Variants in UCK2 observed in about 807,000 individuals in gnomAD.
The protein encoded by UCK2 is uridine-cytidine kinase 2.
In UCK2, 6 loss-of-function variants were observed where a neutral mutation model predicts 30.8. The ratio of observed to expected loss-of-function variants is 0.19; its 90% CI spans 0.11 to 0.38. UCK2 has a LOEUF of 0.38. Among genes scored for constraint, UCK2 ranks in the 10% least tolerant of loss-of-function variants. The pLI is 1.00. For missense variants in UCK2, 210 were observed against 339.8 expected (o/e 0.62, Z 3.00); for synonymous variants, 125 against 133.6 (o/e 0.94, Z 0.45).
intron 1 of UCK2, among the ~76,000 whole-genome samples, chr1:165,888,832 G>A (rs1041194676): frequency 3.3e-5 from 5 of 151,776 alleles, no homozygotes; most frequent in African/African-American, 1.2e-4. Context: ...TACAGCTTGT[G>A]TAATACAGAC....
At chr1:165,861,681 C>T (rs180841802) in intron 1 of UCK2, among the ~76,000 whole-genome samples, 64 of 141,142 alleles carry the variant, frequency 4.5e-4, no homozygotes, top group Non-Finnish European at 7.3e-4. Flanking sequence ...CTCAATAGCT[C>T]TGGTTTATTG....
intron 1 of UCK2, among the ~76,000 whole-genome samples, chr1:165,851,097 AG>A (rs1654585594): frequency 6.6e-6 from 1 of 152,056 alleles, no homozygotes; most frequent in African/African-American, 2.4e-5. Context: ...CAGGTCACAC[AG>A]GGTGAATCTT....
intron 1 of UCK2, 140 bp from the exon 2 acceptor site, chr1:165,890,064 A>G (rs1464762630): frequency 3.0e-5 from 26 of 868,302 alleles, no homozygotes; most frequent in Middle Eastern, 3.6e-4. Context: ...TTAACTCATC[A>G]TGCACGATAG....
At chr1:165,874,506 A>G (rs1488686543) in intron 1 of UCK2, among the ~76,000 whole-genome samples, 3 of 152,124 alleles carry the variant, frequency 2.0e-5, no homozygotes, top group Non-Finnish European at 4.4e-5. Context: ...AGCCTCCCAA[A>G]ACAAAGGTCT....
At chr1:165,862,386 A>T (rs914113501) in intron 1 of UCK2, among the ~76,000 whole-genome samples, 2 of 152,126 alleles carry the variant, frequency 1.3e-5, no homozygotes, top group African/African-American at 4.8e-5. Flanking sequence ...CCCACGCTTG[A>T]TGTAGGCACA....
intron 1 of UCK2, among the ~76,000 whole-genome samples, chr1:165,848,664 A>C (rs1026611908): frequency 9.2e-5 from 14 of 151,374 alleles, no homozygotes; most frequent in Non-Finnish European, 1.8e-4. Context: ...ACACACCCAC[A>C]CACACACACA....
intron 1 of UCK2, among the ~76,000 whole-genome samples, chr1:165,854,784 CAT>C (rs1340661951): frequency 1.3e-5 from 2 of 152,050 alleles, no homozygotes; most frequent in Non-Finnish European, 2.9e-5. Context: ...CTTACTTCAC[CAT>C]ATCTTTTCTA....
intron 1 of UCK2, among the ~76,000 whole-genome samples, chr1:165,852,216 A>G (rs1392330882): frequency 2.6e-5 from 4 of 152,220 alleles, no homozygotes; most frequent in Admixed American, 1.3e-4. Flanking sequence ...ATAAATTGAT[A>G]AAGTTGATCT....
At chr1:165,848,724 A>G (rs1346011830) in intron 1 of UCK2, among the ~76,000 whole-genome samples, 1 of 152,138 alleles carries the variant, frequency 6.6e-6, no homozygotes, top group African/African-American at 2.4e-5. Context: ...GGAGTTTGGA[A>G]TACAAATAGA....
At chr1:165,865,813 A>G (rs555951027) in intron 1 of UCK2, among the ~76,000 whole-genome samples, 35 of 152,204 alleles carry the variant, frequency 2.3e-4, no homozygotes, top group Non-Finnish European at 3.7e-4. Flanking sequence ...GTAACGACCA[A>G]TTACAGAAGA....
In UCK2 at chr1:165,898,618, G is replaced by A. The variant is rs3790657; in HGVS notation, c.499+2286G>A. Among the ~76,000 whole-genome samples the A allele has an allele frequency of 8.9e-3, 1,351 of 152,328 alleles. 35 individuals carry two copies. The highest frequency in any genetic ancestry group is 0.057 in the Admixed American group (872 of 15,302). On this transcript the variant is annotated intron_variant, in intron 4 of 6. Transcript: ENST00000367879. ...GGGAGGCCTCGCAGCAGGGAGTGCA[G>A]GAACCAGCACAGGAGATTAGAACCA...
intron 5 of UCK2, among the ~76,000 whole-genome samples, chr1:165,904,935 T>A (rs1647601671): frequency 6.6e-6 from 1 of 152,192 alleles, no homozygotes; most frequent in African/African-American, 2.4e-5. Context: ...CTTTCTTTCT[T>A]TAAAAATTGG....
intron 1 of UCK2, among the ~76,000 whole-genome samples, chr1:165,859,149 T>G (rs1405693852): frequency 6.6e-6 from 1 of 152,034 alleles, no homozygotes; most frequent in Non-Finnish European, 1.5e-5. Flanking sequence ...GTTTTCCAAG[T>G]GTACTTTGAA....
Position 165,910,963 on chromosome 1 carries a change from C to G in UCK2, c.*3140C>G, listed in dbSNP as rs1019634713. The G allele has an allele frequency of 6.6e-6, 1 of 152,458 alleles. No homozygotes were observed. The highest frequency in any genetic ancestry group is 2.4e-5 in the African/African-American group (1 of 41,454). The allele number at this position is 152,458 out of a possible 1,614,324, so 9.4% of individuals were successfully genotyped here. On this transcript the variant is annotated 3_prime_UTR_variant, in exon 7 of 7. Coordinates refer to ENST00000367879, the MANE Select transcript of UCK2 (RefSeq NM_012474.5). ...TGTACACCTCGGAGCAGTCGGGCAG[C>G]AGGAGGGCCGGAAGCCTGGTTGGTT...
At chr1:165,885,880 G>A (rs1655602315) in intron 1 of UCK2, among the ~76,000 whole-genome samples, 3 of 152,138 alleles carry the variant, frequency 2.0e-5, no homozygotes, top group Admixed American at 2.0e-4. Context: ...TTTTATTATA[G>A]TGATAATAAT....
At chr1:165,887,108 T>C (rs1305790440) in intron 1 of UCK2, among the ~76,000 whole-genome samples, 1 of 152,200 alleles carries the variant, frequency 6.6e-6, no homozygotes, top group Non-Finnish European at 1.5e-5. Flanking sequence ...TCCTCATCCA[T>C]GTAGGAGAGC....
intron 1 of UCK2, 112 bp from the exon 2 acceptor site, chr1:165,890,092 C>G (rs1012684619): frequency 1.6e-6 from 2 of 1,237,212 alleles, no homozygotes; most frequent in African/African-American, 3.0e-5. Flanking sequence ...TGGATTCTTC[C>G]TTCCAGAGCC....
At chr1:165,895,216 C>A (rs1655868498) in intron 3 of UCK2, among the ~76,000 whole-genome samples, 1 of 152,066 alleles carries the variant, frequency 6.6e-6, no homozygotes, top group Non-Finnish European at 1.5e-5. Context: ...GAGTTATAGA[C>A]CAGCCTGGGC....
intron 1 of UCK2, among the ~76,000 whole-genome samples, chr1:165,877,453 G>A (rs900120317): frequency 6.6e-6 from 1 of 152,112 alleles, no homozygotes; most frequent in Non-Finnish European, 1.5e-5. Flanking sequence ...CCCCTCCACT[G>A]CTCCCTGTCC....
Sources: allele counts gnomAD v4.1 joint callset (sites outside exome capture counted in the v4.1 genomes callset), GRCh38; gene constraint gnomAD v4.1.1; transcripts MANE v1.5; gene names NCBI Gene and HGNC (gene_info 2026-07-23, HGNC 2026-07-21).